Variants in AGBL4 observed in about 807,000 individuals in gnomAD.
AGBL4 encodes AGBL carboxypeptidase 4.
AGBL4 carries 58 observed loss-of-function variants against 66.4 expected under a neutral mutation model. The ratio of observed to expected loss-of-function variants is 0.87; its 90% CI spans 0.71 to 1.09. The LOEUF is 1.09. AGBL4 is among the 50% of genes least tolerant of loss of function. The probability of loss-of-function intolerance (pLI) is 0.00; values close to 1 mark genes in which losing one functional copy is unlikely to be tolerated. For missense variants in AGBL4, 579 were observed against 631.0 expected (o/e 0.92, Z 0.88); for synonymous variants, 234 against 222.9 (o/e 1.05, Z -0.44).
intron 4 of AGBL4, among the ~76,000 whole-genome samples, chr1:49,149,896 C>G (rs1646294333): frequency 6.6e-6 from 1 of 152,122 alleles, no homozygotes; most frequent in African/African-American, 2.4e-5. Flanking sequence ...CATTTGACAA[C>G]AAAGAATATG....
chr1:48,836,293 CTCAAA>C (rs1646669712), intron 6 of AGBL4, among the ~76,000 whole-genome samples: 1 of 108,578 alleles, frequency 9.2e-6, no homozygotes. Context: ...ACTAAGTTTC[CTCAAA>C]AAAAAAAAAA....
chr1:49,608,292 T>C (rs750482735), intron 3 of AGBL4, among the ~76,000 whole-genome samples: 2 of 152,186 alleles, frequency 1.3e-5, no homozygotes, highest in Admixed American at 6.5e-5. Context: ...TCTCAGTACC[T>C]ATTTTCCCAT....
At chr1:48,752,403 C>A (rs974670261) in intron 6 of AGBL4, among the ~76,000 whole-genome samples, 1 of 152,208 alleles carries the variant, frequency 6.6e-6, no homozygotes, top group South Asian at 2.1e-4. Context: ...GAATTCTGCC[C>A]AGGAAAAGTT....
intron 4 of AGBL4, among the ~76,000 whole-genome samples, chr1:49,072,046 T>C (rs1644615875): frequency 6.6e-6 from 1 of 152,184 alleles, no homozygotes; most frequent in African/African-American, 2.4e-5. Flanking sequence ...AGTCTGTTTA[T>C]CAGAGACTAG....
intron 4 of AGBL4, among the ~76,000 whole-genome samples, chr1:49,203,818 A>C (rs1035942364): frequency 5.9e-5 from 9 of 152,224 alleles, no homozygotes; most frequent in Non-Finnish European, 1.2e-4. Flanking sequence ...AAACAAAAAA[A>C]GAGTTTCAAG....
intron 5 of AGBL4, among the ~76,000 whole-genome samples, chr1:48,871,722 C>A (rs989781097): frequency 3.9e-5 from 6 of 152,010 alleles, no homozygotes; most frequent in African/African-American, 1.4e-4. Context: ...GCAGGAGTAA[C>A]CTCTGAATTG....
intron 5 of AGBL4, among the ~76,000 whole-genome samples, chr1:49,042,742 C>T (rs148203242): frequency 4.9e-4 from 75 of 152,242 alleles, no homozygotes; most frequent in African/African-American, 1.8e-3. Flanking sequence ...TAGACTTTTA[C>T]ATTGAAAAGA....
intron 5 of AGBL4, among the ~76,000 whole-genome samples, chr1:48,885,608 C>T (rs1039780615): frequency 6.6e-6 from 1 of 152,136 alleles, no homozygotes; most frequent in Non-Finnish European, 1.5e-5. Flanking sequence ...ATTAGAGGTA[C>T]TAAAATATAA....
chr1:49,521,525 A>T (rs890013374), intron 3 of AGBL4, among the ~76,000 whole-genome samples: 2 of 152,090 alleles, frequency 1.3e-5, no homozygotes, highest in African/African-American at 4.8e-5. Context: ...TCTTCAAAAA[A>T]ATCAACAAAA....
rs1443804303 is a variant in AGBL4 at position 48,538,967 on chromosome 1, C to T, written c.1364+675G>A. Among the ~76,000 whole-genome samples the T allele has an allele frequency of 2.6e-5, 4 of 152,148 alleles. No homozygotes were observed. The East Asian group carries it at 7.8e-4, about 29-fold the overall frequency. On this transcript the variant is annotated intron_variant, in intron 12 of 13. Transcript: ENST00000371839. ...ACATTCCAGATGCCATGTGATGTCACTGTTCTCATGCTAGCTGGGTTCACA... is the reference window on the plus strand; with the variant it reads ...ACATTCCAGATGCCATGTGATGTCATTGTTCTCATGCTAGCTGGGTTCACA...
chr1:49,866,211 C>T (rs1331589462), intron 1 of AGBL4, among the ~76,000 whole-genome samples: 1 of 152,070 alleles, frequency 6.6e-6, no homozygotes, highest in Non-Finnish European at 1.5e-5. Context: ...GAGAACTTCC[C>T]CAACCTAGCA....
intron 3 of AGBL4, among the ~76,000 whole-genome samples, chr1:49,677,186 C>T (rs1161694890): frequency 3.9e-5 from 6 of 152,016 alleles, no homozygotes; most frequent in African/African-American, 1.2e-4. Flanking sequence ...TGCAACTAAC[C>T]TGAATGCCTT....
intron 3 of AGBL4, among the ~76,000 whole-genome samples, chr1:49,677,474 T>G (rs1252918554): frequency 6.6e-6 from 1 of 152,130 alleles, no homozygotes; most frequent in Non-Finnish European, 1.5e-5. Flanking sequence ...TATAATTCTT[T>G]TTATATATTG....
chr1:49,256,675 G>A (rs565023964), intron 3 of AGBL4, among the ~76,000 whole-genome samples: 80 of 152,254 alleles, frequency 5.3e-4, no homozygotes, highest in Admixed American at 9.8e-4. Context: ...TAATCAGAAC[G>A]TTTATATAGG....
intron 5 of AGBL4, among the ~76,000 whole-genome samples, chr1:48,944,104 T>C (rs1006638685): frequency 6.6e-6 from 1 of 152,128 alleles, no homozygotes; most frequent in African/African-American, 2.4e-5. Context: ...GCCTGCCTCA[T>C]TGAGCTCATG....
chr1:49,747,608 T>C (rs1025713357), intron 2 of AGBL4, among the ~76,000 whole-genome samples: 2 of 152,166 alleles, frequency 1.3e-5, no homozygotes, highest in Non-Finnish European at 2.9e-5. Flanking sequence ...AACTAATATT[T>C]GTCAACTAAT....
intron 5 of AGBL4, among the ~76,000 whole-genome samples, chr1:48,931,508 C>A (rs1655031748): frequency 6.6e-6 from 1 of 151,958 alleles, no homozygotes; most frequent in African/African-American, 2.4e-5. Flanking sequence ...TTTTTCTTTT[C>A]TTTCTTTCTC....
chr1:48,630,233 A>G (rs1645571996), intron 9 of AGBL4, among the ~76,000 whole-genome samples: 1 of 152,222 alleles, frequency 6.6e-6, no homozygotes, highest in Non-Finnish European at 1.5e-5. Flanking sequence ...GATTTTAGTG[A>G]GCACAGGGCT....
chr1:49,291,975 C>T (rs754053967), intron 3 of AGBL4, among the ~76,000 whole-genome samples: 26 of 152,232 alleles, frequency 1.7e-4, no homozygotes, highest in Non-Finnish European at 3.1e-4. Context: ...GCTGCAGCTG[C>T]TCAAACCGTG....
Sources: allele counts gnomAD v4.1 joint callset (sites outside exome capture counted in the v4.1 genomes callset), GRCh38; gene constraint gnomAD v4.1.1; transcripts MANE v1.5; gene names NCBI Gene and HGNC (gene_info 2026-07-23, HGNC 2026-07-21).